CLUH: variants seen among roughly 807,000 people sequenced by gnomAD.
CLUH encodes the protein CLUH binding protein of NUMT mRNA.
Under a neutral mutation model 139.3 loss-of-function variants are expected in CLUH, and 77 were observed. The observed-to-expected ratio is 0.55, with a 90% confidence interval of 0.46 to 0.67. The LOEUF is 0.67. Ranked by LOEUF, CLUH falls within the 30% of genes least tolerant of loss-of-function variation. CLUH has a pLI of 0.00. For synonymous variants in CLUH, 999 were observed against 801.6 expected, an observed-to-expected ratio of 1.25 and a Z score of -4.16; for missense variants, 1,876 against 1,875.8, an observed-to-expected ratio of 1.00 and a Z score of 0.00.
In CLUH at chr17:2,701,731, C is replaced by T. The variant is rs1487144055; in HGVS notation, c.626G>A (p.Gly209Glu). 3 of 1,564,848 alleles carry T rather than the reference C, an allele frequency of 1.9e-6. No homozygotes were observed. Among genetic ancestry groups the T allele is most frequent in the Non-Finnish European group, 2.6e-6 (3 of 1,155,228 alleles). The part of the protein sequence containing the change: ...VFTDGDLGDS[G>E]KRKKGLEMDP... ...CATCTCCAAGCCCTTCTTCCGCTTC[C>T]CGCTGTCTGAGGGACCCGAGGCTGG... is the stretch of plus-strand genomic sequence containing the variant. Residue 209 changes from glycine (G) to glutamate (E), a missense_variant, in exon 5 of 26, where the codon GGG (glycine) becomes GAG (glutamate). By Grantham distance (98) the Gly-to-Glu change is moderately conservative. Transcript: ENST00000651024.
rs1209250550 is a variant in CLUH, at chr17:2,694,838, G to A, written c.2852+19C>T. Reference sequence around the variant, plus strand: ...TCTGCCCAATCCCACCCACCCCACCGCCCCTGCCCCGCACGCACCACTCGA... The same window carrying A: ...TCTGCCCAATCCCACCCACCCCACCACCCCTGCCCCGCACGCACCACTCGA... On this transcript the variant is annotated intron_variant, in intron 16 of 25. Transcript: ENST00000651024. The A allele has an allele frequency of 3.1e-5, 21 of 671,728 alleles. No individual in the cohort carries two copies. Among genetic ancestry groups the A allele is most frequent in the Middle Eastern group, 3.0e-4 (1 of 3,282 alleles). The allele number at this position is 671,728 out of a possible 1,614,324, so 41.6% of individuals were successfully genotyped here.
intron 19 of CLUH, 66 bp from the exon 20 acceptor site, chr17:2,692,926 C>A (rs1341485541): frequency 1.4e-6 from 2 of 1,457,480 alleles, no homozygotes; most frequent in East Asian, 4.8e-5. Flanking sequence ...CCCGCCTGGC[C>A]CCGGCCCAGC....
intron 19 of CLUH, among the ~76,000 whole-genome samples, chr17:2,693,164 C>T (rs992067298): frequency 5.1e-5 from 2 of 39,490 alleles, no homozygotes; most frequent in Non-Finnish European, 9.9e-5. Flanking sequence ...AAAGCCTGAG[C>T]AGGGGTGGGT....
At chr17:2,705,382 C>T (rs980599685) in intron 1 of CLUH, among the ~76,000 whole-genome samples, 6 of 152,234 alleles carry the variant, frequency 3.9e-5, no homozygotes, top group Non-Finnish European at 5.9e-5. Flanking sequence ...CTCAGGCCAG[C>T]GCTCTCAGGC....
Position 2,692,595 on chromosome 17 carries a change from G to C in CLUH, c.3414C>G (p.Asp1138Glu). Residue 1138 changes from aspartate (D) to glutamate (E), a missense_variant, in exon 21 of 26, where the codon GAC (aspartate) becomes GAG (glutamate). Asp to Glu is a conservative substitution (Grantham distance 45, BLOSUM62 2). This residue lies in a region of CLUH where 1,454 missense variants were observed against 1,384.4 expected (regional missense o/e 1.05). Coordinates refer to ENST00000651024, the MANE Select transcript of CLUH (RefSeq NM_001366661.1). ...CGTCCAGCAGCGCCATCTCGGGGTG[G>C]TCTTCCCCGAACACCAGCAGCATGA... is the stretch of plus-strand genomic sequence containing the variant. ...RYLMLLVFGE[D>E]HPEMALLDNN... The C allele has an allele frequency of 6.2e-7, 1 of 1,612,490 alleles. No homozygotes were observed. The highest frequency in any genetic ancestry group is 8.5e-7 in the Non-Finnish European group (1 of 1,179,580).
Position 2,692,619 on chromosome 17 carries a change from G to A in CLUH, c.3390C>T (p.Leu1130=), listed in dbSNP as rs530469664. 7.4e-6 allele frequency: 12 copies of A among 1,612,926 alleles called. No homozygotes were observed. Among genetic ancestry groups the A allele is most frequent in the Middle Eastern group, 1.7e-4 (1 of 6,056 alleles). The part of the protein sequence containing the change: ...ALSLLYRARY[L]MLLVFGEDHP... ...GGTCTTCCCCGAACACCAGCAGCAT[G>A]AGGTAGCGGGCGCGGTACAGCAGGC... Residue 1130 remains leucine, a synonymous_variant, in exon 21 of 26, where the codon CTC becomes CTT. Transcript: ENST00000651024.
In CLUH at chr17:2,699,714, C is replaced by G. The variant is rs1470148334; in HGVS notation, c.1266+668G>C. On this transcript the variant is annotated intron_variant, in intron 9 of 25. Coordinates refer to ENST00000651024, the MANE Select transcript of CLUH (RefSeq NM_001366661.1). ...TGATGCAATTTCGGCTCACTGCAAC[C>G]TCCGCCTATTGGGTTCAAGCAATTC... Among the ~76,000 whole-genome samples, 3 of 151,628 alleles carry G rather than the reference C, an allele frequency of 2.0e-5. 1 individual carries two copies. Among genetic ancestry groups the G allele is most frequent in the Middle Eastern group, 6.8e-3 (2 of 292 alleles).
chr17:2,697,965 A>T lies in CLUH; in HGVS notation c.1892T>A (p.Phe631Tyr), dbSNP rs1412983936. 4.5e-6 allele frequency: 7 copies of T among 1,572,564 alleles called. No individual in the cohort carries two copies. Among genetic ancestry groups the T allele is most frequent in the Non-Finnish European group, 6.0e-6 (7 of 1,165,104 alleles). The change falls in exon 10 of 26, where the codon TTC (phenylalanine) becomes TAC (tyrosine). Residue 631 changes from phenylalanine (F) to tyrosine (Y), a missense_variant. By Grantham distance (22) the Phe-to-Tyr change is conservative (BLOSUM62 3). Around this residue, in one of 3 missense-constraint regions of CLUH, gnomAD observed 1,454 missense variants for 1,384.4 expected, o/e 1.05. Transcript: ENST00000651024. ...GAGCTTGTGCCGGTGGGCGCGGGGG[A>T]AGCCGGCGCGGGCGCATTCCTCAGG... Reference protein sequence around the residue: ...ELPEECARAGFPRAHRHKLCC... With the variant: ...ELPEECARAGYPRAHRHKLCC...
chr17:2,702,189 T>TTCCACTG (rs2070210944), intron 3 of CLUH, 132 bp from the exon 4 acceptor site: 1 of 1,105,666 alleles, frequency 9.0e-7, no homozygotes, highest in Non-Finnish European at 1.3e-6. Context: ...CGTTTTCAAA[T>TTCCACTG]TCCACTGTGA....
chr17:2,690,823 G>A (rs756609369), intron 25 of CLUH, 46 bp from the exon 26 acceptor site: 2 of 1,392,684 alleles, frequency 1.4e-6, no homozygotes, highest in Non-Finnish European at 1.9e-6. Context: ...AGGAGTCCTG[G>A]GGGCTCCACC....
rs1217671874 is a variant in CLUH at position 2,703,654 on chromosome 17, A to T, written c.304-165T>A. Among the ~76,000 whole-genome samples the T allele has an allele frequency of 2.0e-5, 3 of 152,104 alleles. No homozygotes were observed. The highest frequency in any genetic ancestry group is 2.9e-5 in the Non-Finnish European group (2 of 68,016). On this transcript the variant is annotated intron_variant, in intron 2 of 25. Coordinates refer to ENST00000651024, the MANE Select transcript of CLUH (RefSeq NM_001366661.1). The surrounding 1 kb of genome is among the most constrained non-coding windows in gnomAD (Gnocchi z 4.2). The stretch of plus-strand genomic sequence containing the variant: ...CAGAATAAATGCCCCAAATACTCGA[A>T]TATCGGCTATCCCACTTTCTGGCTT...
rs749600265 is a variant in CLUH at position 2,690,769 on chromosome 17, T to C, written c.3872A>G (p.Asp1291Gly). ...CACCTCGGCTTTCAGATTCTCCAGG[T>C]CTTTTTGGCTGAGGATAAGGGTGGG... ...GILFIPLSQK[D>G]LENLKAEVAR... Residue 1291 changes from aspartate (D) to glycine (G), a missense_variant, in exon 26 of 26, where the codon GAC becomes GGC. Coordinates refer to ENST00000651024, the MANE Select transcript of CLUH (RefSeq NM_001366661.1). 1.3e-6 allele frequency: 2 copies of C among 1,512,000 alleles called. No homozygotes were observed. Among genetic ancestry groups the C allele is most frequent in the East Asian group, 2.5e-5 (1 of 40,606 alleles). The allele number at this position is 1,512,000 out of a possible 1,614,324, so 93.7% of individuals were successfully genotyped here. A position where few individuals can be genotyped will look rare whatever the true frequency, so the allele number is the denominator to read the frequency against.
Position 2,694,149 on chromosome 17 carries a change from T to C in CLUH, c.3065A>G (p.Gln1022Arg). Residue 1022 changes from glutamine (Q) to arginine (R), a missense_variant, in exon 18 of 26, where the codon CAG (glutamine) becomes CGG (arginine). Around this residue, in one of 3 missense-constraint regions of CLUH, gnomAD observed 1,454 missense variants for 1,384.4 expected, o/e 1.05. Transcript: ENST00000651024. Reference sequence around the variant, plus strand: ...CTGCTGCACTTTGGCCTGCCCGCTCTGGAAGAAATGGAAGGCATCCGAGGC... The same window carrying C: ...CTGCTGCACTTTGGCCTGCCCGCTCCGGAAGAAATGGAAGGCATCCGAGGC... The part of the protein sequence containing the change: ...PKASDAFHFF[Q>R]SGQAKVQQGF... 3 of 1,613,534 alleles carry C rather than the reference T, an allele frequency of 1.9e-6. No individual in the cohort carries two copies. The highest frequency in any genetic ancestry group is 2.5e-6 in the Non-Finnish European group (3 of 1,179,712).
At chr17:2,708,701 AC>A (rs2070420478) in intron 1 of CLUH, among the ~76,000 whole-genome samples, 1 of 150,768 alleles carries the variant, frequency 6.6e-6, no homozygotes, top group Non-Finnish European at 1.5e-5. Flanking sequence ...CGGGCTACCC[AC>A]CCGCTCCCAC....
Position 2,707,228 on chromosome 17 carries a change from G to T in CLUH, c.101-2664C>A, listed in dbSNP as rs936977298. 43 of 985,300 alleles carry T rather than the reference G, an allele frequency of 4.4e-5. No homozygotes were observed. The highest frequency in any genetic ancestry group is 5.2e-5 in the Non-Finnish European group (43 of 829,916). 61.0% of individuals were successfully genotyped at this position (985,300 alleles called of 1,614,324 possible). ...GCTCTGGAGTCTCAGGATGGCCGTG[G>T]CAGCAAGGCAGCCAGCTCTCCAGCT... On this transcript the variant is annotated intron_variant, in intron 1 of 25. Coordinates refer to ENST00000651024, the MANE Select transcript of CLUH (RefSeq NM_001366661.1). This position sits in a 1 kb window ranked among gnomAD's most constrained non-coding sequence, Gnocchi z 7.4.
chr17:2,697,782 C>G (rs1353807366), intron 10 of CLUH, 114 bp downstream of exon 10: 1 of 1,002,278 alleles, frequency 1.0e-6, no homozygotes, highest in African/African-American at 1.6e-5. Flanking sequence ...CTAGACGGAG[C>G]CCTTCTTCAC....
intron 4 of CLUH, 55 bp downstream of exon 4, chr17:2,701,859 C>G (rs186952473): frequency 6.2e-7 from 1 of 1,606,770 alleles, no homozygotes; most frequent in Non-Finnish European, 8.5e-7. Context: ...TCCAGCCCCC[C>G]ACCTCCGTGC....
intron 1 of CLUH, chr17:2,708,024 C>T: frequency 2.0e-6 from 2 of 984,324 alleles, no homozygotes; most frequent in East Asian, 1.1e-4. Context: ...AACCAAGTCT[C>T]TCCCAGGGGA....
Position 2,707,282 on chromosome 17 carries a change from T to G in CLUH, c.101-2718A>C, listed in dbSNP as rs2070378348. ...CCCCAGCATTGCCCGGGTTCCTTGTTCCAGCCTCTGCCGCTACCCTTGCCC... is the reference window on the plus strand; with the variant it reads ...CCCCAGCATTGCCCGGGTTCCTTGTGCCAGCCTCTGCCGCTACCCTTGCCC... On this transcript the variant is annotated intron_variant, in intron 1 of 25. Coordinates refer to ENST00000651024, the MANE Select transcript of CLUH (RefSeq NM_001366661.1). The surrounding 1 kb of genome is among the most constrained non-coding windows in gnomAD (Gnocchi z 7.4). 2.0e-6 allele frequency: 2 copies of G among 985,444 alleles called. No individual in the cohort carries two copies. The highest frequency in any genetic ancestry group is 9.4e-5 in the South Asian group (2 of 21,292). The allele number at this position is 985,444 out of a possible 1,614,324, so 61.0% of individuals were successfully genotyped here.
Sources: allele counts gnomAD v4.1 joint callset (sites outside exome capture counted in the v4.1 genomes callset), GRCh38; gene constraint gnomAD v4.1.1; regional missense constraint gnomAD v4.1.1; non-coding constraint Gnocchi (gnomAD v3.1); transcripts MANE v1.5; gene names NCBI Gene and HGNC (gene_info 2026-07-23, HGNC 2026-07-21).